WWOX: variants seen among roughly 807,000 people sequenced by gnomAD.
WWOX encodes the protein WW domain containing oxidoreductase.
Under a neutral mutation model 46.2 loss-of-function variants are expected in WWOX, and 69 were observed. The observed-to-expected ratio is 1.49, with a 90% CI of 1.23 to 1.82. The LOEUF is 1.82. Among genes scored for constraint, WWOX ranks in the 40% most tolerant of loss-of-function variants. WWOX has a pLI of 0.00. For synonymous variants in WWOX, 359 were observed against 202.6 expected (o/e 1.77, Z -6.56); for missense variants, 919 against 542.6 (o/e 1.69, Z -6.89).
chr16:78,848,394 G>C (rs1201830629), intron 8 of WWOX, among the ~76,000 whole-genome samples: 2 of 152,160 alleles, frequency 1.3e-5, no homozygotes, highest in African/African-American at 4.8e-5. Context: ...TTGGCTTTTG[G>C]ACTAGACCAG....
At chr16:79,140,908 C>T (rs2050077122) in intron 8 of WWOX, among the ~76,000 whole-genome samples, 1 of 152,140 alleles carries the variant, frequency 6.6e-6, no homozygotes, top group Admixed American at 6.5e-5. Flanking sequence ...GGGAAGGATG[C>T]TGATGTCTGG....
At chr16:78,285,564 A>C (rs1244719719) in intron 5 of WWOX, among the ~76,000 whole-genome samples, 1 of 152,246 alleles carries the variant, frequency 6.6e-6, no homozygotes, top group Non-Finnish European at 1.5e-5. Context: ...TGTTAAGCAA[A>C]GTCAAGTGCA....
At chr16:78,309,653 C>G (rs2080201895) in intron 5 of WWOX, among the ~76,000 whole-genome samples, 1 of 152,190 alleles carries the variant, frequency 6.6e-6, no homozygotes, top group African/African-American at 2.4e-5. Flanking sequence ...GCTTTGTTCA[C>G]TCTTGTTTGG....
At chr16:78,422,844 T>TAC (rs370327902) in intron 6 of WWOX, among the ~76,000 whole-genome samples, 4,773 of 105,018 alleles carry the variant, frequency 0.045, 187 homozygotes, top group African/African-American at 0.083. Flanking sequence ...TATATACATA[T>TAC]ACACACACAC....
At chr16:78,123,027 G>C (rs909370515) in intron 4 of WWOX, among the ~76,000 whole-genome samples, 2 of 152,102 alleles carry the variant, frequency 1.3e-5, no homozygotes, top group East Asian at 1.9e-4. Flanking sequence ...TTGCAATATA[G>C]TTCTGTTCCT....
At chr16:78,594,292 T>G (rs1392219719) in intron 8 of WWOX, among the ~76,000 whole-genome samples, 1 of 152,018 alleles carries the variant, frequency 6.6e-6, no homozygotes, top group Non-Finnish European at 1.5e-5. Context: ...TCCTGACATT[T>G]CCGTAGACTG....
At chr16:79,165,347 G>C (rs904117695) in intron 8 of WWOX, among the ~76,000 whole-genome samples, 8 of 152,100 alleles carry the variant, frequency 5.3e-5, no homozygotes, top group Admixed American at 2.6e-4. Flanking sequence ...GTTTGAAGCA[G>C]GTGTCGTGGA....
At chr16:79,175,887 C>G (rs1047378992) in intron 8 of WWOX, among the ~76,000 whole-genome samples, 3 of 152,172 alleles carry the variant, frequency 2.0e-5, no homozygotes, top group African/African-American at 7.2e-5. Flanking sequence ...CAGCCACATC[C>G]TTTCACACCT....
chr16:79,110,228 G>C (rs2049391116), intron 8 of WWOX, among the ~76,000 whole-genome samples: 1 of 152,136 alleles, frequency 6.6e-6, no homozygotes, highest in Non-Finnish European at 1.5e-5. Context: ...CAGGCAGGTA[G>C]GTTTGACTCA....
chr16:78,186,393 A>T (rs1272050857), intron 5 of WWOX, among the ~76,000 whole-genome samples: 1 of 152,204 alleles, frequency 6.6e-6, no homozygotes, highest in Non-Finnish European at 1.5e-5. Flanking sequence ...GCTAGAACTC[A>T]CAGTTTAACC....
intron 5 of WWOX, among the ~76,000 whole-genome samples, chr16:78,353,214 G>C (rs1032613836): frequency 1.3e-5 from 2 of 152,146 alleles, no homozygotes; most frequent in Non-Finnish European, 2.9e-5. Context: ...TTTGCAAAGA[G>C]GATTTGAGAT....
chr16:78,517,740 G>A (rs2043267073), intron 8 of WWOX, among the ~76,000 whole-genome samples: 1 of 150,526 alleles, frequency 6.6e-6, no homozygotes, highest in South Asian at 2.1e-4. Flanking sequence ...CTAAACACAT[G>A]TCACGTTATG....
intron 4 of WWOX, among the ~76,000 whole-genome samples, chr16:78,134,918 G>A (rs902115339): frequency 6.6e-6 from 1 of 152,210 alleles, no homozygotes; most frequent in Non-Finnish European, 1.5e-5. Flanking sequence ...CCAGAAGAAA[G>A]CATTTCACTG....
At chr16:78,633,552 C>T (rs1019601716) in intron 8 of WWOX, among the ~76,000 whole-genome samples, 1 of 152,212 alleles carries the variant, frequency 6.6e-6, no homozygotes, top group Non-Finnish European at 1.5e-5. Flanking sequence ...CAACCTTTCA[C>T]TGTGCGGGTT....
chr16:78,591,834 A>G (rs1006010304), intron 8 of WWOX, among the ~76,000 whole-genome samples: 2 of 152,170 alleles, frequency 1.3e-5, no homozygotes, highest in Non-Finnish European at 2.9e-5. Flanking sequence ...AAGAAGATGT[A>G]ACTAGAGAAA....
chr16:78,474,546 G>C (rs1022367817), intron 8 of WWOX, among the ~76,000 whole-genome samples: 2 of 152,200 alleles, frequency 1.3e-5, no homozygotes, highest in Non-Finnish European at 1.5e-5. Context: ...TCAAACGACA[G>C]TCCGTAAACT....
At chr16:78,707,690 C>G (rs577601909) in intron 8 of WWOX, among the ~76,000 whole-genome samples, 38 of 152,190 alleles carry the variant, frequency 2.5e-4, no homozygotes, top group African/African-American at 7.5e-4. Flanking sequence ...CAGGACTAGC[C>G]TGGCCAACAT....
intron 8 of WWOX, among the ~76,000 whole-genome samples, chr16:79,182,417 A>G (rs1265930192): frequency 6.6e-6 from 1 of 151,956 alleles, no homozygotes; most frequent in Non-Finnish European, 1.5e-5. Flanking sequence ...TTATCCCGTT[A>G]ATATATGTTA....
At chr16:78,629,348 G>T (rs8058177) in intron 8 of WWOX, among the ~76,000 whole-genome samples, 1 of 151,730 alleles carries the variant, frequency 6.6e-6, no homozygotes, top group Non-Finnish European at 1.5e-5. Context: ...TTCCAAATCT[G>T]TGAGTTAGTG....
Sources: allele counts gnomAD v4.1 joint callset (sites outside exome capture counted in the v4.1 genomes callset), GRCh38; gene constraint gnomAD v4.1.1; transcripts MANE v1.5; gene names NCBI Gene and HGNC (gene_info 2026-07-23, HGNC 2026-07-21).